The following L3MBTL4 variants were observed in gnomAD, a reference collection of about 807,000 sequenced individuals.
The protein encoded by L3MBTL4 is L3MBTL histone methyl-lysine binding protein 4.
Under a neutral mutation model 84.5 loss-of-function variants are expected in L3MBTL4, and 70 were observed. The observed-to-expected ratio is 0.83, with a 90% confidence interval of 0.68 to 1.01. The LOEUF is 1.01. Ranked by LOEUF, L3MBTL4 falls within the 50% of genes least tolerant of loss-of-function variation. The pLI is 0.00. For synonymous variants in L3MBTL4, 274 were observed against 259.8 expected (o/e 1.05, Z -0.52); for missense variants, 715 against 754.8 (o/e 0.95, Z 0.62).
chr18:6,289,274 A>G (rs1303947072), intron 4 of L3MBTL4, among the ~76,000 whole-genome samples: 1 of 152,170 alleles, frequency 6.6e-6, no homozygotes, highest in Non-Finnish European at 1.5e-5. Context: ...ATTTCTAAAA[A>G]TTAAATGTTA....
intron 4 of L3MBTL4, 108 bp downstream of exon 4, chr18:6,301,795 T>C (rs2050350030): frequency 1.2e-6 from 1 of 833,928 alleles, no homozygotes; most frequent in East Asian, 2.5e-5. Flanking sequence ...GTAGATATTA[T>C]TATCACATAT....
chr18:6,188,101 C>A (rs994851385), intron 12 of L3MBTL4, among the ~76,000 whole-genome samples: 14 of 151,876 alleles, frequency 9.2e-5, no homozygotes, highest in African/African-American at 3.1e-4. Flanking sequence ...TCCATTAATT[C>A]CCCGCCTCCC....
chr18:6,120,810 T>A (rs1043786331), intron 14 of L3MBTL4, among the ~76,000 whole-genome samples: 6 of 152,208 alleles, frequency 3.9e-5, no homozygotes, highest in Non-Finnish European at 7.3e-5. Context: ...GAGCCACTCA[T>A]TCTCAATGCA....
chr18:6,370,559 G>A (rs1201685976), intron 1 of L3MBTL4, among the ~76,000 whole-genome samples: 2 of 152,138 alleles, frequency 1.3e-5, no homozygotes, highest in Non-Finnish European at 2.9e-5. Flanking sequence ...CACACATGAG[G>A]GTACAGCAGG....
chr18:6,218,981 C>G (rs2046437086), intron 10 of L3MBTL4, among the ~76,000 whole-genome samples: 1 of 152,136 alleles, frequency 6.6e-6, no homozygotes, highest in South Asian at 2.1e-4. Flanking sequence ...CAAGAACAGC[C>G]TTTAACCTCT....
chr18:6,195,392 A>G (rs2045329680), intron 12 of L3MBTL4, among the ~76,000 whole-genome samples: 1 of 152,214 alleles, frequency 6.6e-6, no homozygotes, highest in Non-Finnish European at 1.5e-5. Flanking sequence ...ACTACTAGGT[A>G]CTTGATTACT....
At chr18:6,195,829 C>A (rs1034728147) in intron 12 of L3MBTL4, among the ~76,000 whole-genome samples, 1 of 152,136 alleles carries the variant, frequency 6.6e-6, no homozygotes, top group Non-Finnish European at 1.5e-5. Flanking sequence ...AATAAGAGAG[C>A]AGGGTTTTTC....
At chr18:6,303,639 G>A (rs1464221214) in intron 3 of L3MBTL4, among the ~76,000 whole-genome samples, 1 of 152,138 alleles carries the variant, frequency 6.6e-6, no homozygotes, top group Non-Finnish European at 1.5e-5. Context: ...TCTGCATGGG[G>A]CAGACCTGTT....
At chr18:6,354,313 C>T (rs1345381303) in intron 1 of L3MBTL4, among the ~76,000 whole-genome samples, 1 of 152,082 alleles carries the variant, frequency 6.6e-6, no homozygotes, top group Non-Finnish European at 1.5e-5. Context: ...AATCTAAGGC[C>T]TAAAACTATG....
At chr18:6,054,391 T>A (rs376373587) in intron 16 of L3MBTL4, among the ~76,000 whole-genome samples, 2 of 152,048 alleles carry the variant, frequency 1.3e-5, no homozygotes, top group African/African-American at 2.4e-5. Context: ...GGTATGAAAG[T>A]CAATTCCTGT....
Position 6,305,276 on chromosome 18 carries a change from AC to A in L3MBTL4, c.73-3320del, listed in dbSNP as rs1319867668. On this transcript the variant is annotated intron_variant, in intron 3 of 18. Transcript: ENST00000317931. Reference sequence around the variant, plus strand: ...ACCTAAGGTCAAATCTCAACCCACCACTAAAAGCTATTTAACTTTGAACAAA... The same window carrying A: ...ACCTAAGGTCAAATCTCAACCCACCATAAAAGCTATTTAACTTTGAACAAA... 3.9e-5 allele frequency among the ~76,000 whole-genome samples: 6 copies of A among 152,326 alleles called. No homozygotes were observed. The East Asian group carries it at 1.2e-3, about 29-fold the overall frequency.
chr18:6,138,317 T>C, intron 13 of L3MBTL4, 21 bp from the exon 14 acceptor site: 1 of 1,492,804 alleles, frequency 6.7e-7, no homozygotes, highest in South Asian at 1.2e-5. Flanking sequence ...TAAAAGAACA[T>C]GCCTTGAAAA....
At chr18:6,168,873 C>T (rs1744479263) in intron 13 of L3MBTL4, among the ~76,000 whole-genome samples, 1 of 152,074 alleles carries the variant, frequency 6.6e-6, no homozygotes, top group Admixed American at 6.6e-5. Flanking sequence ...AAAGAAACCA[C>T]CATCAGAGTG....
intron 14 of L3MBTL4, among the ~76,000 whole-genome samples, chr18:6,111,188 T>C (rs906848803): frequency 6.6e-6 from 1 of 151,080 alleles, no homozygotes; most frequent in Middle Eastern, 3.4e-3. Context: ...TGCAAAGGAG[T>C]GAAAATGAAA....
intron 16 of L3MBTL4, among the ~76,000 whole-genome samples, chr18:5,992,147 G>A (rs565330712): frequency 6.1e-4 from 93 of 152,298 alleles, no homozygotes; most frequent in Non-Finnish European, 7.2e-4. Flanking sequence ...TTGCAGCAAC[G>A]AGGTACGTGC....
intron 16 of L3MBTL4, among the ~76,000 whole-genome samples, chr18:6,072,923 T>C (rs28772663): frequency 0.014 from 1,220 of 85,264 alleles, 120 homozygotes; most frequent in Middle Eastern, 0.068. Context: ...TATATATATA[T>C]ATACACACAT....
At chr18:6,354,846 T>A (rs756668090) in intron 1 of L3MBTL4, among the ~76,000 whole-genome samples, 1 of 152,154 alleles carries the variant, frequency 6.6e-6, no homozygotes, top group Non-Finnish European at 1.5e-5. Flanking sequence ...TGTAAATTAG[T>A]ACAACCACTA....
At chr18:6,179,875 T>C (rs1033944678) in intron 12 of L3MBTL4, among the ~76,000 whole-genome samples, 3 of 152,212 alleles carry the variant, frequency 2.0e-5, no homozygotes, top group South Asian at 4.1e-4. Context: ...TGTTCTCAAG[T>C]GATCCTCCTG....
intron 13 of L3MBTL4, among the ~76,000 whole-genome samples, chr18:6,165,880 A>G (rs1221581572): frequency 6.6e-6 from 1 of 152,196 alleles, no homozygotes; most frequent in Non-Finnish European, 1.5e-5. Context: ...AAAGACACAG[A>G]CTGGCAAATT....
Sources: allele counts gnomAD v4.1 joint callset (sites outside exome capture counted in the v4.1 genomes callset), GRCh38; gene constraint gnomAD v4.1.1; transcripts MANE v1.5; gene names NCBI Gene and HGNC (gene_info 2026-07-23, HGNC 2026-07-21).